The following LPXN variants were observed in gnomAD, a reference collection of about 807,000 sequenced individuals.
LPXN encodes the protein leupaxin.
Under a neutral mutation model 45.6 loss-of-function variants are expected in LPXN, and 28 were observed. That is an observed-to-expected ratio of 0.61 (90% CI 0.45 to 0.84). The LOEUF is 0.84. LPXN is among the 40% of genes least tolerant of loss of function. The pLI is 0.00. For missense variants in LPXN, 459 were observed against 475.0 expected (o/e 0.97, Z 0.31); for synonymous variants, 166 against 169.9 (o/e 0.98, Z 0.18).
chr11:58,557,239 C>T (rs1237440268), intron 3 of LPXN, among the ~76,000 whole-genome samples: 1 of 152,160 alleles, frequency 6.6e-6, no homozygotes, highest in Non-Finnish European at 1.5e-5. Flanking sequence ...GATCTCTGCA[C>T]TCGTATGTTC....
intron 4 of LPXN, 143 bp from the exon 5 acceptor site, chr11:58,551,375 A>G: frequency 1.8e-6 from 1 of 554,276 alleles, no homozygotes; most frequent in Non-Finnish European, 2.8e-6. Flanking sequence ...AAAAATCTAA[A>G]ATTTCAACAC....
chr11:58,557,434 T>C (rs1277454009), intron 3 of LPXN, among the ~76,000 whole-genome samples: 1 of 152,164 alleles, frequency 6.6e-6, no homozygotes, highest in Non-Finnish European at 1.5e-5. Context: ...TGGAAGGACA[T>C]TATACCAAGT....
chr11:58,532,084 G>A (rs1357510632), intron 7 of LPXN, among the ~76,000 whole-genome samples: 1 of 152,276 alleles, frequency 6.6e-6, no homozygotes, highest in Non-Finnish European at 1.5e-5. Flanking sequence ...GAGAGGATTA[G>A]CAACTGAGAC....
At chr11:58,551,524 G>C (rs1197075012) in intron 4 of LPXN, among the ~76,000 whole-genome samples, 1 of 152,116 alleles carries the variant, frequency 6.6e-6, no homozygotes, top group African/African-American at 2.4e-5. Context: ...ATCTTAGGAT[G>C]ACCCCAGTTC....
intron 7 of LPXN, among the ~76,000 whole-genome samples, chr11:58,533,641 C>T (rs1383657376): frequency 6.6e-6 from 1 of 152,146 alleles, no homozygotes; most frequent in African/African-American, 2.4e-5. Context: ...CAGCTAGCAT[C>T]ATAATTACCA....
At chr11:58,560,742 A>C (rs926032976) in intron 3 of LPXN, among the ~76,000 whole-genome samples, 1 of 152,212 alleles carries the variant, frequency 6.6e-6, no homozygotes, top group African/African-American at 2.4e-5. Flanking sequence ...ACTTTTTTGT[A>C]CATAATACAG....
At chr11:58,532,000 C>T (rs2515352) in intron 7 of LPXN, among the ~76,000 whole-genome samples, 2 of 152,096 alleles carry the variant, frequency 1.3e-5, no homozygotes, top group African/African-American at 4.8e-5. Flanking sequence ...TGGGCCAGCA[C>T]GAGTTTCGGG....
At chr11:58,561,948 C>T (rs1854390887) in intron 3 of LPXN, among the ~76,000 whole-genome samples, 2 of 152,154 alleles carry the variant, frequency 1.3e-5, no homozygotes, top group East Asian at 1.9e-4. Context: ...TGATTTGTTC[C>T]CTGACCTTTT....
chr11:58,529,338 C>T (rs143460986), intron 7 of LPXN, among the ~76,000 whole-genome samples: 6 of 152,170 alleles, frequency 3.9e-5, no homozygotes, highest in East Asian at 3.9e-4. Context: ...TGGCCGGGCA[C>T]GGTGGCTTGC....
chr11:58,545,612 C>T (rs1853854040), intron 7 of LPXN, among the ~76,000 whole-genome samples: 1 of 152,128 alleles, frequency 6.6e-6, no homozygotes, highest in Non-Finnish European at 1.5e-5. Flanking sequence ...TACTACAGAG[C>T]ACTTTGCTAG....
intron 7 of LPXN, among the ~76,000 whole-genome samples, chr11:58,536,090 T>C (rs187013500): frequency 7.7e-4 from 118 of 152,322 alleles, no homozygotes; most frequent in African/African-American, 2.6e-3. Flanking sequence ...CTGCCCAAAG[T>C]AATTTATGCA....
At chr11:58,537,210 A>T (rs1487305139) in intron 7 of LPXN, among the ~76,000 whole-genome samples, 1 of 152,270 alleles carries the variant, frequency 6.6e-6, no homozygotes, top group Non-Finnish European at 1.5e-5. Flanking sequence ...ACACATGCAC[A>T]CATATGCTTA....
intron 7 of LPXN, among the ~76,000 whole-genome samples, chr11:58,529,768 C>A (rs1853332242): frequency 6.6e-6 from 1 of 152,096 alleles, no homozygotes; most frequent in Admixed American, 6.5e-5. Context: ...AGGAACAGCT[C>A]AGGTCTGCAG....
chr11:58,566,096 T>C (rs1173859073), intron 2 of LPXN, among the ~76,000 whole-genome samples: 1 of 152,222 alleles, frequency 6.6e-6, no homozygotes, highest in East Asian at 1.9e-4. Context: ...TAGATATTAT[T>C]GTCTCTAGCA....
At chr11:58,573,264 A>G (rs1473421370) in intron 1 of LPXN, among the ~76,000 whole-genome samples, 1 of 151,698 alleles carries the variant, frequency 6.6e-6, no homozygotes, top group Non-Finnish European at 1.5e-5. Flanking sequence ...AAAAAAAAGA[A>G]AAGAAAAGAA....
chr11:58,573,276 G>C lies in LPXN; in HGVS notation c.13+2484C>G, dbSNP rs548202470. Among the ~76,000 whole-genome samples the C allele has an allele frequency of 2.7e-5, 4 of 150,180 alleles. No homozygotes were observed. The South Asian group carries it at 6.3e-4, about 24-fold the overall frequency. On this transcript the variant is annotated intron_variant, in intron 1 of 8. Transcript: ENST00000395074. The stretch of plus-strand genomic sequence containing the variant: ...AAAAAAAAAAAGAAAAGAAAAGAAA[G>C]AAAAAGAAAAGAAAACTAAGGTAGA...
At chr11:58,542,997 A>C (rs374605076) in intron 7 of LPXN, among the ~76,000 whole-genome samples, 1 of 152,164 alleles carries the variant, frequency 6.6e-6, no homozygotes, top group African/African-American at 2.4e-5. Context: ...TCTGTTTTGA[A>C]ACTCACTTCC....
intron 7 of LPXN, among the ~76,000 whole-genome samples, chr11:58,535,435 T>C (rs188781833): frequency 1.3e-5 from 2 of 152,298 alleles, no homozygotes; most frequent in East Asian, 3.9e-4. Context: ...ATTATCTCAA[T>C]AGATACAGAA....
chr11:58,568,883 TG>T (rs1300941933), intron 2 of LPXN, among the ~76,000 whole-genome samples: 1 of 152,080 alleles, frequency 6.6e-6, no homozygotes, highest in Non-Finnish European at 1.5e-5. Context: ...CCAAATGAGA[TG>T]GGAGTCATTT....
Sources: gnomAD v4.1 joint callset for allele counts (sites outside exome capture counted in the v4.1 genomes callset) on GRCh38, gnomAD v4.1.1 for gene constraint, MANE v1.5 for transcripts, NCBI Gene and HGNC (gene_info 2026-07-23, HGNC 2026-07-21) for gene names.